The following SLC66A2 variants were observed in gnomAD, a reference collection of about 807,000 sequenced individuals.
SLC66A2 encodes the protein solute carrier family 66 member 2.
Under a neutral mutation model 25.5 loss-of-function variants are expected in SLC66A2, and 23 were observed. That is an observed-to-expected ratio of 0.90 (90% CI 0.65 to 1.28). The LOEUF (loss-of-function observed/expected upper bound fraction) is 1.28, where lower values mean the gene tolerates loss of function less well. Among genes scored for constraint, SLC66A2 ranks in the 50% most tolerant of loss-of-function variants. The probability of loss-of-function intolerance (pLI) is 0.00; values close to 1 mark genes in which losing one functional copy is unlikely to be tolerated. For missense variants in SLC66A2, 396 were observed against 373.1 expected (o/e 1.06, Z -0.51); for synonymous variants, 193 against 166.5 (o/e 1.16, Z -1.23).
At chr18:79,944,921 G>GGCC (rs1988048991) in intron 2 of SLC66A2, among the ~76,000 whole-genome samples, 2 of 3,408 alleles carry the variant, frequency 5.9e-4, no homozygotes, top group Non-Finnish European at 4.0e-3. Context: ...GAACCCCACA[G>GGCC]CCCCCTCAGC....
intron 3 of SLC66A2, among the ~76,000 whole-genome samples, chr18:79,935,632 T>C (rs1014025890): frequency 1.3e-5 from 2 of 152,210 alleles, no homozygotes; most frequent in African/African-American, 2.4e-5. Context: ...ATAAAAAAGA[T>C]ACAGCTTCCA....
chr18:79,932,475 A>AAAG (rs1568323809), intron 4 of SLC66A2, among the ~76,000 whole-genome samples: 1 of 151,604 alleles, frequency 6.6e-6, no homozygotes, highest in African/African-American at 2.4e-5. Flanking sequence ...TTGTGTTAAA[A>AAAG]AAAGAAAGAA....
intron 5 of SLC66A2, among the ~76,000 whole-genome samples, chr18:79,905,876 C>T (rs1415917347): frequency 1.3e-5 from 2 of 152,220 alleles, no homozygotes; most frequent in African/African-American, 4.8e-5. Flanking sequence ...TGTAAACACA[C>T]ACACACCCAC....
At chr18:79,907,370 GAGA>G (rs1982288191) in intron 5 of SLC66A2, among the ~76,000 whole-genome samples, 4 of 40,026 alleles carry the variant, frequency 1.0e-4, no homozygotes, top group Non-Finnish European at 2.0e-4. Flanking sequence ...TTTTTTTTTT[GAGA>G]AGGAGTCTCG....
intron 4 of SLC66A2, among the ~76,000 whole-genome samples, chr18:79,926,624 A>G (rs1360805400): frequency 6.6e-6 from 1 of 150,596 alleles, no homozygotes; most frequent in African/African-American, 2.4e-5. Context: ...CCTGGGCCAC[A>G]CTGCTCAGGG....
chr18:79,941,832 C>T lies in SLC66A2; in HGVS notation c.337+1497G>A, dbSNP rs1422120884. On this transcript the variant is annotated intron_variant, in intron 3 of 5. Transcript: ENST00000397778. The surrounding 1 kb of genome is among the most constrained non-coding windows in gnomAD (Gnocchi z 4.1). ...AAGGTCTGGCCTCATGTCCAGAGCC[C>T]GAGGACAGCAGAAACACCCAGCAAC... 2.0e-5 allele frequency: 3 copies of T among 152,272 alleles called. No homozygotes were observed. Among genetic ancestry groups the T allele is most frequent in the East Asian group, 1.9e-4 (1 of 5,198 alleles). The allele number at this position is 152,272 out of a possible 1,614,324, so 9.4% of individuals were successfully genotyped here.
intron 2 of SLC66A2, chr18:79,944,285 G>A (rs565024711): frequency 1.3e-5 from 2 of 152,732 alleles, no homozygotes; most frequent in African/African-American, 2.4e-5. Context: ...CGGGGATAGT[G>A]TGCAGAGCAG....
intron 5 of SLC66A2, among the ~76,000 whole-genome samples, chr18:79,912,232 A>G (rs929654726): frequency 1.2e-4 from 17 of 136,516 alleles, no homozygotes; most frequent in Admixed American, 1.2e-3. Context: ...GGTCACATCC[A>G]ACCGGCGATT....
At chr18:79,912,107 T>TG (rs1270341909) in intron 5 of SLC66A2, among the ~76,000 whole-genome samples, 4 of 12,988 alleles carry the variant, frequency 3.1e-4, no homozygotes, top group Non-Finnish European at 4.8e-4. Flanking sequence ...GGGACAGGAG[T>TG]GGGGGGGACG....
At chr18:79,930,231 GAAACCCCA>G (rs1986427741) in intron 4 of SLC66A2, 2 of 151,914 alleles carry the variant, frequency 1.3e-5, no homozygotes, top group Admixed American at 6.6e-5. Context: ...CACTTACAAG[GAAACCCCA>G]ATAAGATTAA....
chr18:79,926,223 G>A (rs1216106754), intron 4 of SLC66A2, among the ~76,000 whole-genome samples: 1 of 152,250 alleles, frequency 6.6e-6, no homozygotes, highest in Non-Finnish European at 1.5e-5. Flanking sequence ...CTCTGCCTAT[G>A]AAGTAGCCAT....
At chr18:79,943,239 G>T in intron 3 of SLC66A2, 90 bp downstream of exon 3, 1 of 1,498,798 alleles carries the variant, frequency 6.7e-7, no homozygotes, top group Non-Finnish European at 9.0e-7. Context: ...AAGCTGCTTG[G>T]ATCAGGACAG....
chr18:79,946,687 G>C (rs1259334992), intron 2 of SLC66A2, among the ~76,000 whole-genome samples: 2 of 152,346 alleles, frequency 1.3e-5, no homozygotes, highest in East Asian at 3.9e-4. Context: ...CTCAAGCAGG[G>C]CTGGGCACAG....
Position 79,943,404 on chromosome 18 carries a change from T to C in SLC66A2, c.262A>G (p.Met88Val), listed in dbSNP as rs980581072. 3 of 1,614,074 alleles carry C rather than the reference T, an allele frequency of 1.9e-6. No individual in the cohort carries two copies. The highest frequency in any genetic ancestry group is 2.2e-5 in the South Asian group (2 of 91,084). Residue 88 changes from methionine (M) to valine (V), a missense_variant, in exon 3 of 6, where the codon ATG becomes GTG. Met to Val is a conservative substitution (Grantham distance 21). Transcript: ENST00000397778. ...GTGCACAGCTTCAGCATCAGCAGCA[T>C]GGTCAGGATCATGATGGCGCTCTGC... ...LWQSAIMILT[M>V]LLMLKLCTEV...
intron 4 of SLC66A2, among the ~76,000 whole-genome samples, chr18:79,922,653 C>T (rs968300340): frequency 3.9e-5 from 6 of 151,956 alleles, no homozygotes; most frequent in Admixed American, 1.3e-4. Context: ...ATGTGCAGTC[C>T]AGGGGACATA....
At chr18:79,905,300 C>T (rs532185076) in intron 5 of SLC66A2, among the ~76,000 whole-genome samples, 1 of 152,360 alleles carries the variant, frequency 6.6e-6, no homozygotes, top group East Asian at 1.9e-4. Flanking sequence ...ATTTTTTATT[C>T]TCTGGGATGT....
intron 5 of SLC66A2, among the ~76,000 whole-genome samples, chr18:79,913,602 T>TGCGCGCAC (rs1280773387): frequency 5.3e-5 from 8 of 152,248 alleles, no homozygotes; most frequent in African/African-American, 1.9e-4. Context: ...TGTGTGTGCA[T>TGCGCGCAC]GCGCGCACGC....
At chr18:79,945,891 G>A (rs2144970304) in intron 2 of SLC66A2, among the ~76,000 whole-genome samples, 1 of 152,372 alleles carries the variant, frequency 6.6e-6, no homozygotes, top group Admixed American at 6.5e-5. Context: ...CCCACCCACA[G>A]AGACCTGAGG....
At chr18:79,924,096 G>A (rs181175282) in intron 4 of SLC66A2, among the ~76,000 whole-genome samples, 8 of 152,002 alleles carry the variant, frequency 5.3e-5, no homozygotes, top group African/African-American at 9.6e-5. Flanking sequence ...CCCTCAATTC[G>A]TGCATTTACC....
Sources: allele counts gnomAD v4.1 joint callset (sites outside exome capture counted in the v4.1 genomes callset), GRCh38; gene constraint gnomAD v4.1.1; non-coding constraint Gnocchi (gnomAD v3.1); transcripts MANE v1.5; gene names NCBI Gene and HGNC (gene_info 2026-07-23, HGNC 2026-07-21).